The following STX5 variants were observed in gnomAD, a reference collection of about 807,000 sequenced individuals.
The protein encoded by STX5 is syntaxin 5, also known as syntaxin-5.
STX5 carries 15 observed loss-of-function variants against 42.9 expected under a neutral mutation model. That is an observed-to-expected ratio of 0.35 (90% confidence interval 0.23 to 0.54). The LOEUF (loss-of-function observed/expected upper bound fraction) is 0.54. Ranked by LOEUF, STX5 falls within the 20% of genes least tolerant of loss-of-function variation. STX5 has a pLI of 0.91. For synonymous variants in STX5, 184 were observed against 173.2 expected, an observed-to-expected ratio of 1.06 and a Z score of -0.49; for missense variants, 430 against 455.0, an observed-to-expected ratio of 0.95 and a Z score of 0.50.
At chr11:62,823,507 T>TA (rs2084762041) in intron 10 of STX5, among the ~76,000 whole-genome samples, 1 of 152,034 alleles carries the variant, frequency 6.6e-6, no homozygotes, top group African/African-American at 2.4e-5. Context: ...TAACTCTGTA[T>TA]ACAGCCTTTA....
chr11:62,831,259 C>G lies in STX5; in HGVS notation c.-16G>C. ...GCGGGATCATTGAGACGCATAACCT[C>G]GGACTGTTGTGGAGGGGAGAGTGTC... On this transcript the variant is annotated 5_prime_UTR_variant, in exon 2 of 11. Coordinates refer to ENST00000294179, the MANE Select transcript of STX5 (RefSeq NM_003164.5). 1.9e-6 allele frequency: 3 copies of G among 1,552,300 alleles called. No individual in the cohort carries two copies. The highest frequency in any genetic ancestry group is 1.7e-6 in the Non-Finnish European group (2 of 1,146,556).
intron 10 of STX5, among the ~76,000 whole-genome samples, chr11:62,815,391 A>C (rs1223283913): frequency 1.3e-5 from 2 of 152,076 alleles, no homozygotes; most frequent in African/African-American, 4.8e-5. Context: ...ATAATACATA[A>C]TATTAGGAAA....
At chr11:62,815,876 A>G (rs952905150) in intron 10 of STX5, 3 of 151,864 alleles carry the variant, frequency 2.0e-5, no homozygotes, top group African/African-American at 7.3e-5. Flanking sequence ...ATTTTATTCT[A>G]GTTTCAGGGG....
chr11:62,807,888 C>G (rs1362700324), intron 10 of STX5: 1 of 515,606 alleles, frequency 1.9e-6, no homozygotes, highest in African/African-American at 1.9e-5. Context: ...TGAGGATAAC[C>G]CAAACCCTAC....
At position 62,827,171 on chromosome 11, in the gene STX5, G is replaced by T; in HGVS notation, c.407C>A (p.Thr136Lys). The change falls in exon 5 of 11, where the codon ACA (threonine) becomes AAA (lysine). Residue 136 changes from threonine to lysine, a missense_variant. Physicochemically the swap from Thr to Lys is moderately conservative, Grantham distance 78. Coordinates refer to ENST00000294179, the MANE Select transcript of STX5 (RefSeq NM_003164.5). ...GTAGCTCACCTGTTTGATGATATAT[G>T]TTAGCTCTTCAATTTCCACTGCTTT... ...DDKAVEIEEL[T>K]YIIKQDINSL... 6 of 1,614,136 alleles carry T rather than the reference G, an allele frequency of 3.7e-6. No homozygotes were observed. Among genetic ancestry groups the T allele is most frequent in the Non-Finnish European group, 3.4e-6 (4 of 1,180,006 alleles).
intron 10 of STX5, among the ~76,000 whole-genome samples, chr11:62,816,814 G>C (rs1038421112): frequency 6.7e-6 from 1 of 150,010 alleles, no homozygotes; most frequent in Non-Finnish European, 1.5e-5. Flanking sequence ...AGAATCGCTT[G>C]AACCTGGGAG....
intron 10 of STX5, chr11:62,807,855 C>T (rs1389887126): frequency 4.2e-6 from 3 of 720,514 alleles, no homozygotes; most frequent in Non-Finnish European, 6.3e-6. Context: ...TAACTTCAAG[C>T]TTCATTTTCC....
At chr11:62,818,036 T>C (rs1590967610) in intron 10 of STX5, among the ~76,000 whole-genome samples, 1 of 151,774 alleles carries the variant, frequency 6.6e-6, no homozygotes, top group Non-Finnish European at 1.5e-5. Context: ...CTGAGGTCAG[T>C]AGTTCGAGAC....
At chr11:62,815,395 T>C (rs2084662509) in intron 10 of STX5, among the ~76,000 whole-genome samples, 1 of 152,148 alleles carries the variant, frequency 6.6e-6, no homozygotes, top group Admixed American at 6.5e-5. Flanking sequence ...TACATAATAT[T>C]AGGAAATCAT....
At position 62,827,144 on chromosome 11, in the gene STX5, T is replaced by C. The variant is rs778603583; in HGVS notation, c.423+11A>G. On this transcript the variant is annotated intron_variant, in intron 5 of 10. Transcript: ENST00000294179. ...TGGAATGCTGGGCTCTCCTGATGGCTAGTAGCTCACCTGTTTGATGATATA... is the reference window on the plus strand; with the variant it reads ...TGGAATGCTGGGCTCTCCTGATGGCCAGTAGCTCACCTGTTTGATGATATA... The C allele has an allele frequency of 6.8e-6, 11 of 1,612,682 alleles. No individual in the cohort carries two copies. In the East Asian group the frequency reaches 2.0e-4, roughly 29 times the overall value.
chr11:62,826,232 C>T (rs1326553985), intron 5 of STX5, among the ~76,000 whole-genome samples: 3 of 142,944 alleles, frequency 2.1e-5, no homozygotes, highest in South Asian at 2.2e-4. Context: ...TCCAGCCTGG[C>T]GACAGAGTGA....
At chr11:62,817,829 A>C (rs992760511) in intron 10 of STX5, among the ~76,000 whole-genome samples, 2 of 152,216 alleles carry the variant, frequency 1.3e-5, no homozygotes, top group African/African-American at 4.8e-5. Flanking sequence ...AATATACATA[A>C]AATAAATATA....
At chr11:62,817,064 A>G (rs1298292326) in intron 10 of STX5, among the ~76,000 whole-genome samples, 1 of 151,734 alleles carries the variant, frequency 6.6e-6, no homozygotes, top group Non-Finnish European at 1.5e-5. Context: ...TCCTGGGGAT[A>G]ACAGGCACAC....
chr11:62,827,526 T>C (rs1484213432), intron 3 of STX5, 35 bp downstream of exon 3: 5 of 1,614,034 alleles, frequency 3.1e-6, no homozygotes, highest in Non-Finnish European at 4.2e-6. Context: ...CTTCAGACAC[T>C]GTATCACCCC....
chr11:62,827,479 C>T (rs778888905), intron 3 of STX5, 81 bp from the exon 4 acceptor site: 1 of 1,613,030 alleles, frequency 6.2e-7, no homozygotes, highest in Non-Finnish European at 8.5e-7. Flanking sequence ...CAATCCCAGA[C>T]TTCACAGCCA....
At chr11:62,825,628 C>G in intron 5 of STX5, 89 bp from the exon 6 acceptor site, 1 of 1,206,760 alleles carries the variant, frequency 8.3e-7, no homozygotes, top group Non-Finnish European at 1.2e-6. Context: ...GTAGGAAGGA[C>G]AAGGTGGAAG....
At chr11:62,826,573 A>T (rs898033919) in intron 5 of STX5, among the ~76,000 whole-genome samples, 2 of 150,834 alleles carry the variant, frequency 1.3e-5, no homozygotes, top group African/African-American at 4.9e-5. Flanking sequence ...ATAATAATAA[A>T]TAAATAAATA....
intron 10 of STX5, among the ~76,000 whole-genome samples, chr11:62,823,608 C>G (rs563032458): frequency 6.6e-6 from 1 of 152,118 alleles, no homozygotes; most frequent in African/African-American, 2.4e-5. Context: ...TGCAGTGGCA[C>G]GATCTTGGCT....
At chr11:62,808,128 A>AT (rs1474941062) in intron 10 of STX5, 1 of 156,158 alleles carries the variant, frequency 6.4e-6, no homozygotes, top group Non-Finnish European at 1.4e-5. Context: ...AAATCAGGGG[A>AT]TAAAAAAAGC....
Sources: allele counts gnomAD v4.1 joint callset (sites outside exome capture counted in the v4.1 genomes callset), GRCh38; gene constraint gnomAD v4.1.1; transcripts MANE v1.5; gene names NCBI Gene and HGNC (gene_info 2026-07-23, HGNC 2026-07-21).